Variants in SLIT3 observed in about 807,000 individuals in gnomAD.
SLIT3 encodes the protein slit guidance ligand 3, also known as slit homolog 3 protein.
A neutral mutation model predicts 184.0 loss-of-function variants in SLIT3; 68 were observed. The observed-to-expected ratio is 0.37, with a 90% CI of 0.30 to 0.45. SLIT3 has a LOEUF of 0.45. Among genes scored for constraint, SLIT3 ranks in the 20% least tolerant of loss-of-function variants. The pLI, the probability that SLIT3 is intolerant of heterozygous loss-of-function variation, is 1.00. For missense variants in SLIT3, 1,707 were observed against 2,026.0 expected, an observed-to-expected ratio of 0.84 and a Z score of 3.02; for synonymous variants, 831 against 828.6, an observed-to-expected ratio of 1.00 and a Z score of -0.05.
chr5:169,229,072 C>T (rs967292276), intron 3 of SLIT3, among the ~76,000 whole-genome samples: 4 of 151,760 alleles, frequency 2.6e-5, no homozygotes, highest in African/African-American at 9.7e-5. Context: ...TGCGCACACA[C>T]ACAGATTGAG....
chr5:168,772,576 G>GTGTA lies in SLIT3; in HGVS notation c.1459+204_1459+205insTACA, dbSNP rs750246982. The GTGTA allele has an allele frequency of 9.5e-5, 55 of 580,244 alleles. 1 individual carries two copies. The highest frequency in any genetic ancestry group is 2.4e-4 in the South Asian group (12 of 49,430). The allele number at this position is 580,244 out of a possible 1,614,324, so 35.9% of individuals were successfully genotyped here. ...CCTCCTCCCCATGCTTTTATTGTGTGTGTGTGTGTGTGTGTGTGTTTTATT... is the reference window on the plus strand; with the variant it reads ...CCTCCTCCCCATGCTTTTATTGTGTGTGTATGTGTGTGTGTGTGTGTGTTTTATT... On this transcript the variant is annotated intron_variant, in intron 14 of 35. Transcript: ENST00000519560.
At chr5:169,141,919 G>A (rs1469426877) in intron 4 of SLIT3, among the ~76,000 whole-genome samples, 3 of 150,236 alleles carry the variant, frequency 2.0e-5, no homozygotes, top group East Asian at 2.0e-4. Flanking sequence ...GCGTGGTAGC[G>A]CATGCCTGTA....
chr5:168,904,066 T>A (rs937972684), intron 4 of SLIT3, among the ~76,000 whole-genome samples: 4 of 152,018 alleles, frequency 2.6e-5, no homozygotes, highest in Non-Finnish European at 5.9e-5. Flanking sequence ...TGTGAGGCAC[T>A]TGGCAAAGTG....
At chr5:168,889,199 T>A (rs957342257) in intron 4 of SLIT3, among the ~76,000 whole-genome samples, 1 of 152,224 alleles carries the variant, frequency 6.6e-6, no homozygotes, top group Admixed American at 6.5e-5. Flanking sequence ...GGAAGATTTA[T>A]CTTAATAGGT....
At chr5:169,128,847 G>A (rs1761179727) in intron 4 of SLIT3, among the ~76,000 whole-genome samples, 1 of 152,288 alleles carries the variant, frequency 6.6e-6, no homozygotes, top group Admixed American at 6.5e-5. Flanking sequence ...TCTCTCTGGT[G>A]ACAGCATTGC....
At chr5:168,687,923 C>T (rs1761796084) in intron 29 of SLIT3, among the ~76,000 whole-genome samples, 1 of 152,240 alleles carries the variant, frequency 6.6e-6, no homozygotes, top group African/African-American at 2.4e-5. Context: ...GCACACCAAT[C>T]TGGCCCTTCC....
At chr5:169,008,379 C>T (rs747224650) in intron 4 of SLIT3, among the ~76,000 whole-genome samples, 3 of 152,148 alleles carry the variant, frequency 2.0e-5, no homozygotes, top group South Asian at 4.2e-4. Flanking sequence ...CTAGCCATGA[C>T]GGGCCTGACT....
chr5:169,104,897 T>C (rs1292461777), intron 4 of SLIT3, among the ~76,000 whole-genome samples: 1 of 152,200 alleles, frequency 6.6e-6, no homozygotes, highest in Admixed American at 6.5e-5. Context: ...GCCCTTCCAA[T>C]TGTTTCCCCT....
At chr5:169,015,768 A>G (rs1428900967) in intron 4 of SLIT3, among the ~76,000 whole-genome samples, 1 of 151,908 alleles carries the variant, frequency 6.6e-6, no homozygotes, top group Non-Finnish European at 1.5e-5. Flanking sequence ...AAACACAGCA[A>G]AAACAAAAAC....
chr5:168,715,595 G>A (rs1762698616), intron 23 of SLIT3, among the ~76,000 whole-genome samples: 1 of 152,258 alleles, frequency 6.6e-6, no homozygotes, highest in South Asian at 2.1e-4. Flanking sequence ...GACCCTCTGT[G>A]TCTTAAATAG....
At chr5:169,220,224 C>A (rs771304050) in intron 3 of SLIT3, among the ~76,000 whole-genome samples, 1 of 151,492 alleles carries the variant, frequency 6.6e-6, no homozygotes, top group South Asian at 2.1e-4. Flanking sequence ...GGTCCCATGG[C>A]GGGGATCCTC....
chr5:169,067,239 G>A (rs1466478339), intron 4 of SLIT3, among the ~76,000 whole-genome samples: 1 of 151,960 alleles, frequency 6.6e-6, no homozygotes, highest in Non-Finnish European at 1.5e-5. Flanking sequence ...TTAAAACCCT[G>A]TCTCTACTAA....
intron 4 of SLIT3, among the ~76,000 whole-genome samples, chr5:169,032,587 TGTTTTAGTTTC>T (rs1401232856): frequency 1.4e-5 from 2 of 146,384 alleles, no homozygotes; most frequent in African/African-American, 5.2e-5. Flanking sequence ...TTCCCCTCCA[TGTTTTAGTTTC>T]GTTTTTTTTT....
At chr5:169,269,283 A>T (rs184124540) in intron 1 of SLIT3, among the ~76,000 whole-genome samples, 1 of 152,206 alleles carries the variant, frequency 6.6e-6, no homozygotes, top group African/African-American at 2.4e-5. Flanking sequence ...CTTATATACC[A>T]ACTCTTGTTG....
At chr5:169,071,681 G>A (rs887853092) in intron 4 of SLIT3, among the ~76,000 whole-genome samples, 2 of 152,166 alleles carry the variant, frequency 1.3e-5, no homozygotes, top group Non-Finnish European at 2.9e-5. Flanking sequence ...CTGTGTGCAA[G>A]TGTAGAATCC....
chr5:168,698,419 A>G (rs1178314122), intron 27 of SLIT3, among the ~76,000 whole-genome samples: 1 of 152,156 alleles, frequency 6.6e-6, no homozygotes, highest in Admixed American at 6.5e-5. Flanking sequence ...ACTGGTGACT[A>G]TGCAGGCAGA....
chr5:169,222,251 T>C (rs1023292775), intron 3 of SLIT3, among the ~76,000 whole-genome samples: 1 of 152,196 alleles, frequency 6.6e-6, no homozygotes, highest in East Asian at 1.9e-4. Context: ...TATATCTTTG[T>C]CCTAAGCAAA....
At chr5:168,861,187 A>C (rs550291207) in intron 5 of SLIT3, among the ~76,000 whole-genome samples, 76 of 152,284 alleles carry the variant, frequency 5.0e-4, no homozygotes, top group African/African-American at 1.7e-3. Flanking sequence ...TACATGTGCC[A>C]TGTTGGTGTG....
intron 4 of SLIT3, among the ~76,000 whole-genome samples, chr5:168,990,294 G>A (rs571148458): frequency 9.2e-5 from 14 of 152,236 alleles, no homozygotes; most frequent in African/African-American, 1.4e-4. Flanking sequence ...ACAGAGAAGG[G>A]TGAGGGTGGG....
Sources: gnomAD v4.1 joint callset for allele counts (sites outside exome capture counted in the v4.1 genomes callset) on GRCh38, gnomAD v4.1.1 for gene constraint, MANE v1.5 for transcripts, NCBI Gene and HGNC (gene_info 2026-07-23, HGNC 2026-07-21) for gene names.